Variants in GRIK2 observed in about 807,000 individuals in gnomAD.
GRIK2 encodes the protein glutamate receptor ionotropic, kainate 2.
In GRIK2, 32 loss-of-function variants were observed where a neutral mutation model predicts 100.3. The ratio of observed to expected loss-of-function variants is 0.32; its 90% CI spans 0.24 to 0.43. The LOEUF (loss-of-function observed/expected upper bound fraction) is 0.43, where lower values mean the gene tolerates loss of function less well. Among genes scored for constraint, GRIK2 ranks in the 20% least tolerant of loss-of-function variants. The pLI is 1.00. For missense variants in GRIK2, 843 were observed against 1,114.9 expected (o/e 0.76, Z 3.47); for synonymous variants, 417 against 389.4 (o/e 1.07, Z -0.83).
intron 2 of GRIK2, among the ~76,000 whole-genome samples, chr6:101,459,181 G>A (rs1178716119): frequency 6.6e-6 from 1 of 151,960 alleles, no homozygotes; most frequent in Non-Finnish European, 1.5e-5. Flanking sequence ...AACTATCCAT[G>A]CATGATTTCT....
intron 7 of GRIK2, among the ~76,000 whole-genome samples, chr6:101,750,456 T>G (rs1348665599): frequency 6.6e-6 from 1 of 152,270 alleles, no homozygotes; most frequent in Non-Finnish European, 1.5e-5. Context: ...TCATTGGGAA[T>G]AGTAAGGTAA....
intron 14 of GRIK2, among the ~76,000 whole-genome samples, chr6:101,959,322 T>C (rs1792138937): frequency 6.6e-6 from 1 of 152,048 alleles, no homozygotes; most frequent in Non-Finnish European, 1.5e-5. Flanking sequence ...CTATTTCTTC[T>C]TGTTACAGTC....
chr6:101,645,122 C>A (rs1781458745), intron 4 of GRIK2, among the ~76,000 whole-genome samples: 1 of 144,886 alleles, frequency 6.9e-6, no homozygotes, highest in Non-Finnish European at 1.5e-5. Context: ...ACAAGTAAGA[C>A]ATAATAATGG....
In GRIK2 at chr6:101,693,213, A is replaced by G. The variant is rs145750575; in HGVS notation, c.951+6860A>G. On this transcript the variant is annotated intron_variant, in intron 7 of 16. Transcript: ENST00000369134. ...TGAAAAATGGCAGTTGCAGTGAAGC[A>G]TTATCTTTATGGTCATATTATTTTT... Among the ~76,000 whole-genome samples the G allele has an allele frequency of 5.3e-5, 8 of 152,206 alleles. No homozygotes were observed. The East Asian group carries it at 1.4e-3, about 26-fold the overall frequency.
intron 2 of GRIK2, among the ~76,000 whole-genome samples, chr6:101,547,110 C>T (rs964831267): frequency 3.9e-5 from 6 of 151,938 alleles, no homozygotes; most frequent in Non-Finnish European, 8.8e-5. Flanking sequence ...GGATTACAGG[C>T]GTGAGCCACC....
chr6:102,011,169 G>C (rs1795511431), intron 14 of GRIK2, among the ~76,000 whole-genome samples: 1 of 152,160 alleles, frequency 6.6e-6, no homozygotes, highest in South Asian at 2.1e-4. Flanking sequence ...CTAGCAATGA[G>C]TGAGAGTTCT....
intron 2 of GRIK2, among the ~76,000 whole-genome samples, chr6:101,506,837 G>GT (rs1291064649): frequency 1.3e-5 from 2 of 152,080 alleles, no homozygotes; most frequent in East Asian, 3.9e-4. Flanking sequence ...GAATTTTAGG[G>GT]TTTTATATCA....
intron 14 of GRIK2, among the ~76,000 whole-genome samples, chr6:102,029,640 G>A (rs999143513): frequency 6.6e-6 from 1 of 151,124 alleles, no homozygotes; most frequent in African/African-American, 2.4e-5. Context: ...ATTTTACAGT[G>A]GAAGTATGAC....
At chr6:101,931,372 C>T (rs1790274743) in intron 14 of GRIK2, among the ~76,000 whole-genome samples, 1 of 152,112 alleles carries the variant, frequency 6.6e-6, no homozygotes, top group East Asian at 1.9e-4. Flanking sequence ...AAAGGAATCT[C>T]TATCTTGTTT....
intron 6 of GRIK2, among the ~76,000 whole-genome samples, 192 bp from the exon 7 acceptor site, chr6:101,685,988 G>C (rs775036914): frequency 2.6e-5 from 4 of 151,848 alleles, no homozygotes; most frequent in Non-Finnish European, 5.9e-5. Flanking sequence ...TTTTACATAC[G>C]GAGCATGTAT....
intron 2 of GRIK2, 43 bp from the exon 3 acceptor site, chr6:101,621,906 T>A: frequency 7.4e-7 from 1 of 1,359,616 alleles, no homozygotes; most frequent in East Asian, 2.3e-5. Context: ...AAAATTATGT[T>A]TATTCTTGTA....
chr6:101,451,959 C>A (rs1032289624), intron 2 of GRIK2, among the ~76,000 whole-genome samples: 1 of 151,716 alleles, frequency 6.6e-6, no homozygotes, highest in Admixed American at 6.6e-5. Context: ...AAACTAATAG[C>A]CAATACTTTC....
At chr6:102,035,821 C>A (rs1019441684) in intron 15 of GRIK2, among the ~76,000 whole-genome samples, 5 of 151,352 alleles carry the variant, frequency 3.3e-5, no homozygotes, top group African/African-American at 1.2e-4. Flanking sequence ...GAAAAACACA[C>A]AGTATAACCC....
intron 14 of GRIK2, among the ~76,000 whole-genome samples, chr6:101,977,732 T>C (rs1793478953): frequency 6.6e-6 from 1 of 151,978 alleles, no homozygotes; most frequent in Non-Finnish European, 1.5e-5. Flanking sequence ...GTGGAAGACT[T>C]CTAAAACCTG....
In GRIK2 at chr6:101,673,779, T is replaced by A. The variant is rs182538862; in HGVS notation, c.542-2844T>A. ...ATTATTTGCCAGTCTTCATTTGTAG[T>A]TACTTGCTTAATATCATTTTCCCCT... On this transcript the variant is annotated intron_variant, in intron 4 of 16. Transcript: ENST00000369134. 3.3e-5 allele frequency among the ~76,000 whole-genome samples: 5 copies of A among 152,296 alleles called. No homozygotes were observed. In the East Asian group the frequency reaches 7.7e-4, roughly 24 times the overall value.
At chr6:101,406,495 T>C (rs1775599717) in intron 2 of GRIK2, among the ~76,000 whole-genome samples, 1 of 152,176 alleles carries the variant, frequency 6.6e-6, no homozygotes, top group Non-Finnish European at 1.5e-5. Flanking sequence ...TCAGTCTTTC[T>C]TTTTGGTTAA....
At chr6:101,899,029 G>A (rs533813576) in intron 12 of GRIK2, among the ~76,000 whole-genome samples, 1 of 150,678 alleles carries the variant, frequency 6.6e-6, no homozygotes, top group South Asian at 2.1e-4. Context: ...CATCATTCAA[G>A]TTAAACTGTT....
intron 2 of GRIK2, among the ~76,000 whole-genome samples, chr6:101,496,614 A>G (rs966233143): frequency 1.4e-4 from 22 of 152,208 alleles, no homozygotes; most frequent in African/African-American, 4.1e-4. Flanking sequence ...CACAATCTGT[A>G]CCTTTTTAAA....
chr6:101,859,232 A>C (rs982894865), intron 10 of GRIK2, 55 bp from the exon 11 acceptor site: 1 of 883,334 alleles, frequency 1.1e-6, no homozygotes, highest in Admixed American at 1.9e-5. Flanking sequence ...AATAATTCTG[A>C]TGATGAGTTT....
Sources: gnomAD v4.1 joint callset for allele counts (sites outside exome capture counted in the v4.1 genomes callset) on GRCh38, gnomAD v4.1.1 for gene constraint, MANE v1.5 for transcripts, NCBI Gene and HGNC (gene_info 2026-07-23, HGNC 2026-07-21) for gene names.